The following LARP4 variants were observed in gnomAD, a reference collection of about 807,000 sequenced individuals.
LARP4 encodes the protein la-related protein 4.
In LARP4, 29 loss-of-function variants were observed where a neutral mutation model predicts 92.9. The ratio of observed to expected loss-of-function variants is 0.31; its 90% confidence interval spans 0.23 to 0.43. The LOEUF is 0.43. Among genes scored for constraint, LARP4 ranks in the 20% least tolerant of loss-of-function variants. LARP4 has a pLI of 1.00. For missense variants in LARP4, 732 were observed against 860.0 expected, an observed-to-expected ratio of 0.85 and a Z score of 1.86; for synonymous variants, 279 against 284.1, an observed-to-expected ratio of 0.98 and a Z score of 0.18.
At chr12:50,404,983 T>C (rs543372386) in intron 1 of LARP4, among the ~76,000 whole-genome samples, 24 of 151,906 alleles carry the variant, frequency 1.6e-4, no homozygotes, top group African/African-American at 5.5e-4. Flanking sequence ...CCACCACACC[T>C]GGCGGGTTCA....
chr12:50,450,068 G>A (rs905482242), intron 8 of LARP4, among the ~76,000 whole-genome samples: 2 of 151,660 alleles, frequency 1.3e-5, no homozygotes, highest in African/African-American at 4.9e-5. Context: ...CAAGTAGCTG[G>A]GACTACAGGT....
intron 8 of LARP4, among the ~76,000 whole-genome samples, chr12:50,452,592 C>T (rs1953416973): frequency 6.6e-6 from 1 of 152,174 alleles, no homozygotes; most frequent in African/African-American, 2.4e-5. Flanking sequence ...TTCTCTAACA[C>T]TTCCTGTTGT....
chr12:50,403,003 G>A (rs1374612303), intron 1 of LARP4, among the ~76,000 whole-genome samples: 2 of 152,148 alleles, frequency 1.3e-5, no homozygotes, highest in African/African-American at 4.8e-5. Context: ...CATGTTGGTC[G>A]TTTGGCGTTT....
chr12:50,438,043 GAT>G (rs2137505082), intron 6 of LARP4, among the ~76,000 whole-genome samples: 1 of 152,244 alleles, frequency 6.6e-6, no homozygotes, highest in East Asian at 1.9e-4. Context: ...GAAAGGAAAA[GAT>G]ATAGTTCTAT....
intron 1 of LARP4, among the ~76,000 whole-genome samples, chr12:50,426,733 T>TGTG (rs1948843545): frequency 1.5e-5 from 1 of 65,984 alleles, no homozygotes; most frequent in Non-Finnish European, 2.6e-5. Flanking sequence ...GTGTGTGTGG[T>TGTG]TTTTTTTTTT....
chr12:50,401,953 G>C (rs1257264136), intron 1 of LARP4, among the ~76,000 whole-genome samples: 2 of 152,220 alleles, frequency 1.3e-5, no homozygotes, highest in African/African-American at 4.8e-5. Context: ...AATGCTTTGA[G>C]TAGATTCCAG....
In LARP4 at chr12:50,461,326, A is replaced by C; in HGVS notation, c.1313A>C (p.Asn438Thr). The C allele has an allele frequency of 6.2e-7, 1 of 1,614,024 alleles. No individual in the cohort carries two copies. The highest frequency in any genetic ancestry group is 2.2e-5 in the East Asian group (1 of 44,874). ...KETSTLQVEQ[N>T]GDYGRGRRTL... Reference sequence around the variant, plus strand: ...ACTTCCACTTTGCAGGTGGAACAGAATGGGGACTATGGTAGGGGCAGGTAA... The same window carrying C: ...ACTTCCACTTTGCAGGTGGAACAGACTGGGGACTATGGTAGGGGCAGGTAA... Residue 438 changes from asparagine (N) to threonine (T), a missense_variant, in exon 11 of 16, where the codon AAT becomes ACT. Physicochemically the swap from Asn to Thr is moderately conservative, Grantham distance 65 (BLOSUM62 0). Around this residue, in one of 7 missense-constraint regions of LARP4, gnomAD observed 264 missense variants for 269.5 expected, o/e 0.98. Coordinates refer to ENST00000398473, the MANE Select transcript of LARP4 (RefSeq NM_052879.5).
chr12:50,413,201 C>T (rs1463702705), intron 1 of LARP4, among the ~76,000 whole-genome samples: 2 of 142,930 alleles, frequency 1.4e-5, no homozygotes, highest in African/African-American at 5.2e-5. Flanking sequence ...CCAGCCTGGG[C>T]GACAGAGTGA....
intron 13 of LARP4, 29 bp downstream of exon 13, chr12:50,467,149 T>C: frequency 6.5e-7 from 1 of 1,546,508 alleles, no homozygotes; most frequent in Non-Finnish European, 8.8e-7. Context: ...AGTCTTACCT[T>C]ATGAGACCAT....
In LARP4 at chr12:50,453,617, G is replaced by A. The variant is rs981708446; in HGVS notation, c.962G>A (p.Ser321Asn). 2.5e-6 allele frequency: 4 copies of A among 1,612,966 alleles called. No individual in the cohort carries two copies. The highest frequency in any genetic ancestry group is 3.4e-6 in the Non-Finnish European group (4 of 1,179,336). Reference sequence around the variant, plus strand: ...CCTCACCAACAGTACTCGGTCTATAGTATTGTGCCTCAGTCTTGGTCTCCA... The same window carrying A: ...CCTCACCAACAGTACTCGGTCTATAATATTGTGCCTCAGTCTTGGTCTCCA... ...YNPHQQYSVY[S>N]IVPQSWSPNP... is the part of the protein sequence containing the mutation. Residue 321 changes from serine (S) to asparagine (N), a missense_variant, in exon 9 of 16, where the codon AGT becomes AAT. Physicochemically the swap from Ser to Asn is conservative, Grantham distance 46 (BLOSUM62 1). Around this residue, in one of 7 missense-constraint regions of LARP4, gnomAD observed 264 missense variants for 269.5 expected, o/e 0.98. Coordinates refer to ENST00000398473, the MANE Select transcript of LARP4 (RefSeq NM_052879.5).
chr12:50,461,248 G>A lies in LARP4; in HGVS notation c.1235G>A (p.Arg412Gln), dbSNP rs367988641. 1.4e-5 allele frequency: 22 copies of A among 1,613,900 alleles called. No individual in the cohort carries two copies. In the African/African-American group the frequency reaches 2.3e-4, roughly 17 times the overall value. Residue 412 changes from arginine (R) to glutamine (Q), a missense_variant, in exon 11 of 16, where the codon CGG becomes CAG. Coordinates refer to ENST00000398473, the MANE Select transcript of LARP4 (RefSeq NM_052879.5). Reference protein sequence around the residue: ...RYSSRNFPAERHNPTVTGHQE... With the variant: ...RYSSRNFPAEQHNPTVTGHQE... ...AGTTCAAGAAACTTTCCAGCTGAAC[G>A]GCATAACCCCACAGTAACTGGGCAT...
chr12:50,469,990 T>C lies in LARP4; in HGVS notation c.1545+2870T>C, dbSNP rs1956729839. Among the ~76,000 whole-genome samples, 3 of 151,520 alleles carry C rather than the reference T, an allele frequency of 2.0e-5. No homozygotes were observed. The South Asian group carries it at 6.2e-4, about 32-fold the overall frequency. ...ATCCCAGCACTGTGGGGGTCCAAGG[T>C]GAATGGATTGCTTGAGCCCAGGAGT... On this transcript the variant is annotated intron_variant, in intron 13 of 15. Coordinates refer to ENST00000398473, the MANE Select transcript of LARP4 (RefSeq NM_052879.5).
At chr12:50,414,892 T>C (rs927970602) in intron 1 of LARP4, among the ~76,000 whole-genome samples, 3 of 152,314 alleles carry the variant, frequency 2.0e-5, no homozygotes, top group South Asian at 2.1e-4. Flanking sequence ...TCTTCTTGTG[T>C]GCATCAGTGG....
chr12:50,433,410 A>G (rs1442419764), intron 4 of LARP4, among the ~76,000 whole-genome samples: 2 of 151,748 alleles, frequency 1.3e-5, no homozygotes, highest in Non-Finnish European at 2.9e-5. Context: ...TTTGTAGCTC[A>G]GCAAAATTGC....
In LARP4 at chr12:50,479,984, A is replaced by C. The variant is rs1319184078; in HGVS notation, c.*4120A>C. On this transcript the variant is annotated 3_prime_UTR_variant, in exon 16 of 16. Transcript: ENST00000398473. Reference sequence around the variant, plus strand: ...TGGGAAATTAACAAAATTAGAAAAAAAATAAAATTATTAAAAAGCAGGACT... The same window carrying C: ...TGGGAAATTAACAAAATTAGAAAAACAATAAAATTATTAAAAAGCAGGACT... The C allele has an allele frequency of 6.6e-6, 1 of 152,380 alleles. No homozygotes were observed. Among genetic ancestry groups the C allele is most frequent in the Non-Finnish European group, 1.5e-5 (1 of 68,036 alleles). The allele number at this position is 152,380 out of a possible 1,614,324, so 9.4% of individuals were successfully genotyped here. A position where few individuals can be genotyped will look rare whatever the true frequency, so the allele number is the denominator to read the frequency against.
chr12:50,426,987 C>T (rs1948896107), intron 1 of LARP4, among the ~76,000 whole-genome samples: 1 of 152,000 alleles, frequency 6.6e-6, no homozygotes, highest in Non-Finnish European at 1.5e-5. Context: ...ATCCGCCCGC[C>T]TTGGCCTCCC....
chr12:50,446,541 G>A (rs2137932694), intron 8 of LARP4, among the ~76,000 whole-genome samples: 1 of 145,178 alleles, frequency 6.9e-6, no homozygotes, highest in African/African-American at 2.6e-5. Context: ...CGATTCTCCT[G>A]CCTCAGCCTC....
At chr12:50,425,304 TC>T in intron 1 of LARP4, among the ~76,000 whole-genome samples, 1 of 152,192 alleles carries the variant, frequency 6.6e-6, no homozygotes. Flanking sequence ...ATTTACCAGA[TC>T]AATATTGTAC....
At chr12:50,472,559 C>A (rs78430393) in intron 13 of LARP4, among the ~76,000 whole-genome samples, 1 of 150,732 alleles carries the variant, frequency 6.6e-6, no homozygotes, top group African/African-American at 2.4e-5. Context: ...TTGCTCTGTT[C>A]CCAGGAGGGA....
Sources: gnomAD v4.1 joint callset for allele counts (sites outside exome capture counted in the v4.1 genomes callset) on GRCh38, gnomAD v4.1.1 for gene constraint, gnomAD v4.1.1 regional missense constraint, MANE v1.5 for transcripts, NCBI Gene and HGNC (gene_info 2026-07-23, HGNC 2026-07-21) for gene names.